Variants in QTGAL observed in about 807,000 individuals in gnomAD.
QTGAL encodes the protein BGnT-like protein 1.
the QTGAL span, among the ~76,000 whole-genome samples, chr17:83,035,803 T>C: frequency 1.4e-5 from 2 of 139,836 alleles, no homozygotes; most frequent in Non-Finnish European, 3.0e-5. Flanking sequence ...AAGAGGGAAG[T>C]TGGGGGCTGG....
the QTGAL span, chr17:82,960,969 TCG>T: frequency 6.7e-7 from 1 of 1,485,148 alleles, no homozygotes; most frequent in Admixed American, 2.1e-5. Flanking sequence ...GCCTCTGGGG[TCG>T]GCCCCACCAA....
At chr17:82,967,714 G>A in the QTGAL span, among the ~76,000 whole-genome samples, 6 of 152,036 alleles carry the variant, frequency 3.9e-5, no homozygotes, top group African/African-American at 1.4e-4. Context: ...AGTCCGAGGC[G>A]GGAGAATCGC....
chr17:82,961,047 G>T, the QTGAL span: 1 of 1,606,528 alleles, frequency 6.2e-7, no homozygotes, highest in Non-Finnish European at 8.5e-7. Context: ...GCCGGGCGGG[G>T]CTGACTCACT....
the QTGAL span, chr17:83,035,011 T>C: frequency 6.4e-7 from 1 of 1,553,684 alleles, no homozygotes; most frequent in Non-Finnish European, 8.8e-7. Context: ...ATTTATACAT[T>C]ATAAACAAAA....
chr17:83,051,708 G>A, the QTGAL span: 2 of 1,467,662 alleles, frequency 1.4e-6, no homozygotes, highest in Non-Finnish European at 1.8e-6. Flanking sequence ...CAGCCTGCAC[G>A]GCGGGGCACC....
At chr17:83,032,098 C>A in the QTGAL span, among the ~76,000 whole-genome samples, 4 of 142,940 alleles carry the variant, frequency 2.8e-5, no homozygotes, top group Admixed American at 2.7e-4. Context: ...TCAGACCAGG[C>A]CAGGCCTCCG....
chr17:82,962,797 CT>C, the QTGAL span, among the ~76,000 whole-genome samples: 12 of 152,332 alleles, frequency 7.9e-5, no homozygotes, highest in East Asian at 2.3e-3. Flanking sequence ...GAGCCCGACC[CT>C]TGGGGTTTTC....
chr17:83,019,930 C>T, the QTGAL span, among the ~76,000 whole-genome samples: 3 of 152,088 alleles, frequency 2.0e-5, no homozygotes, highest in Non-Finnish European at 4.4e-5. Context: ...GACAGCGTTT[C>T]ACCACGTTGG....
the QTGAL span, among the ~76,000 whole-genome samples, chr17:83,021,834 G>T: frequency 6.6e-6 from 1 of 152,280 alleles, no homozygotes; most frequent in East Asian, 1.9e-4. Flanking sequence ...AAGACAGAGT[G>T]GAACTGGTAT....
chr17:83,020,969 T>C, the QTGAL span, among the ~76,000 whole-genome samples: 30,027 of 152,240 alleles, frequency 0.2, 3,153 homozygotes, highest in Middle Eastern at 0.25. Context: ...ATTTGCTTTA[T>C]GATACTTTAT....
chr17:82,984,934 G>A, the QTGAL span, among the ~76,000 whole-genome samples: 9 of 152,218 alleles, frequency 5.9e-5, no homozygotes, highest in Admixed American at 4.6e-4. Flanking sequence ...AGTCCCCTTC[G>A]TGGCCCTGCT....
the QTGAL span, among the ~76,000 whole-genome samples, chr17:83,041,709 T>C: frequency 6.6e-6 from 1 of 152,240 alleles, no homozygotes; most frequent in Non-Finnish European, 1.5e-5. Flanking sequence ...CACTGCCTGG[T>C]ATCCTGACAG....
At chr17:83,036,794 A>T in the QTGAL span, among the ~76,000 whole-genome samples, 3 of 152,110 alleles carry the variant, frequency 2.0e-5, no homozygotes, top group African/African-American at 7.2e-5. Flanking sequence ...TATGTTTGGG[A>T]AAGCAGGCAC....
chr17:83,014,497 C>A, the QTGAL span: 2 of 1,614,164 alleles, frequency 1.2e-6, no homozygotes, highest in East Asian at 4.5e-5. Flanking sequence ...CAGCCTCACC[C>A]GCTGGGGCAT....
the QTGAL span, among the ~76,000 whole-genome samples, chr17:82,950,732 C>T: frequency 3.0e-4 from 45 of 152,342 alleles, no homozygotes; most frequent in East Asian, 7.9e-3. Flanking sequence ...AAAACACGAA[C>T]CCCTCGTACA....
chr17:83,005,399 T>A, the QTGAL span, among the ~76,000 whole-genome samples: 1 of 151,976 alleles, frequency 6.6e-6, no homozygotes, highest in African/African-American at 2.4e-5. The surrounding 1 kb of genome is among the most constrained non-coding windows in gnomAD (Gnocchi z 5.6). Flanking sequence ...CTGCTTTTGC[T>A]TGGGGACAGC....
chr17:82,956,657 T>C, the QTGAL span: 1 of 1,510,302 alleles, frequency 6.6e-7, no homozygotes, highest in Non-Finnish European at 8.9e-7. This position sits in a 1 kb window ranked among gnomAD's most constrained non-coding sequence, Gnocchi z 5.7. Context: ...GAGCCCGGGA[T>C]CCCCAAGCCC....
At chr17:82,960,189 C>T in the QTGAL span, among the ~76,000 whole-genome samples, 1 of 152,158 alleles carries the variant, frequency 6.6e-6, no homozygotes, top group Non-Finnish European at 1.5e-5. Flanking sequence ...GCTCGTGGCC[C>T]TCCTGCCAAC....
chr17:83,024,006 G>A, the QTGAL span, among the ~76,000 whole-genome samples: 3 of 152,248 alleles, frequency 2.0e-5, no homozygotes, highest in Admixed American at 6.5e-5. Flanking sequence ...AGCAAACACC[G>A]GACCGTGTGT....
Sources: allele counts gnomAD v4.1 joint callset (sites outside exome capture counted in the v4.1 genomes callset), GRCh38; gene constraint gnomAD v4.1.1; non-coding constraint Gnocchi (gnomAD v3.1); transcripts MANE v1.5; gene names NCBI Gene and HGNC (gene_info 2026-07-23, HGNC 2026-07-21).